SPMAP2L: variants seen among roughly 807,000 people sequenced by gnomAD.
SPMAP2L encodes sperm microtubule associated protein 2 like.
the SPMAP2L span, chr4:56,594,996 G>A: frequency 1.2e-6 from 2 of 1,607,656 alleles, no homozygotes; most frequent in African/African-American, 1.3e-5. Context: ...CCCCGTTTTT[G>A]CCCAATCATC....
At chr4:56,544,286 G>C in the SPMAP2L span, among the ~76,000 whole-genome samples, 1 of 152,138 alleles carries the variant, frequency 6.6e-6, no homozygotes, top group African/African-American at 2.4e-5. Context: ...ACCGTGCCCG[G>C]CCCCAATACG....
the SPMAP2L span, among the ~76,000 whole-genome samples, chr4:56,538,208 CT>C: frequency 6.9e-6 from 1 of 145,496 alleles, no homozygotes; most frequent in Non-Finnish European, 1.5e-5. Context: ...CTGACATCCC[CT>C]ATCACTCGCC....
At chr4:56,620,749 G>T in the SPMAP2L span, among the ~76,000 whole-genome samples, 1 of 152,220 alleles carries the variant, frequency 6.6e-6, no homozygotes, top group South Asian at 2.1e-4. Context: ...CATGCATTCT[G>T]CTGTGGAAAT....
the SPMAP2L span, among the ~76,000 whole-genome samples, chr4:56,537,895 A>T: frequency 2.0e-5 from 3 of 152,038 alleles, no homozygotes; most frequent in South Asian, 2.1e-4. Context: ...GGGTTTCACC[A>T]TGTTAGCCAG....
the SPMAP2L span, among the ~76,000 whole-genome samples, chr4:56,566,968 T>A: frequency 6.6e-6 from 1 of 152,132 alleles, no homozygotes; most frequent in Admixed American, 6.6e-5. Flanking sequence ...GTTCTAGGAT[T>A]ACAGGCATGA....
the SPMAP2L span, among the ~76,000 whole-genome samples, chr4:56,554,937 C>CTTT: frequency 3.2e-5 from 3 of 93,420 alleles, no homozygotes; most frequent in African/African-American, 4.3e-5. Context: ...ACTATCATTT[C>CTTT]TTTTTTTTTT....
chr4:56,577,848 TGTG>T, the SPMAP2L span, among the ~76,000 whole-genome samples: 1 of 152,018 alleles, frequency 6.6e-6, no homozygotes, highest in South Asian at 2.1e-4. Flanking sequence ...ATTGGGGTGT[TGTG>T]GTGAATGCCT....
the SPMAP2L span, among the ~76,000 whole-genome samples, chr4:56,571,107 A>G: frequency 6.7e-6 from 1 of 149,666 alleles, no homozygotes; most frequent in South Asian, 2.1e-4. Context: ...CCTGGCCTTT[A>G]CTTTATAAGC....
the SPMAP2L span, among the ~76,000 whole-genome samples, chr4:56,601,465 T>C: frequency 5.9e-5 from 9 of 152,054 alleles, no homozygotes; most frequent in Admixed American, 5.2e-4. Flanking sequence ...CAAAAAATTC[T>C]TTAAAAATAT....
the SPMAP2L span, among the ~76,000 whole-genome samples, chr4:56,584,849 G>A: frequency 3.2e-4 from 48 of 152,316 alleles, no homozygotes; most frequent in South Asian, 9.7e-3. Flanking sequence ...CAGCAACTGT[G>A]GGAACTGGTG....
the SPMAP2L span, among the ~76,000 whole-genome samples, chr4:56,598,940 G>A: frequency 6.6e-6 from 1 of 152,020 alleles, no homozygotes; most frequent in Non-Finnish European, 1.5e-5. Context: ...GGTTTTATAA[G>A]GGGCTTCCCC....
At chr4:56,531,596 G>A in the SPMAP2L span, among the ~76,000 whole-genome samples, 1 of 152,152 alleles carries the variant, frequency 6.6e-6, no homozygotes. Context: ...CTTGAAGGGA[G>A]GATATTTTCG....
the SPMAP2L span, among the ~76,000 whole-genome samples, chr4:56,565,467 C>T: frequency 2.0e-5 from 3 of 152,172 alleles, no homozygotes; most frequent in African/African-American, 7.2e-5. Context: ...AAGTTACACA[C>T]CTGACCTTGT....
chr4:56,580,616 A>T, the SPMAP2L span, among the ~76,000 whole-genome samples: 4 of 152,048 alleles, frequency 2.6e-5, no homozygotes, highest in Admixed American at 2.6e-4. Context: ...AGAGATTCTA[A>T]CCAGGGCAAT....
chr4:56,601,067 A>G, the SPMAP2L span: 4 of 1,535,274 alleles, frequency 2.6e-6, no homozygotes, highest in Non-Finnish European at 2.6e-6. Context: ...ACTCATTCCA[A>G]AGCATCACCT....
chr4:56,580,715 C>T, the SPMAP2L span, among the ~76,000 whole-genome samples: 5 of 151,602 alleles, frequency 3.3e-5, no homozygotes, highest in African/African-American at 1.2e-4. Context: ...TCAGAAATGA[C>T]GTGATCTTGT....
At chr4:56,579,690 G>T in the SPMAP2L span, among the ~76,000 whole-genome samples, 1 of 152,294 alleles carries the variant, frequency 6.6e-6, no homozygotes, top group Non-Finnish European at 1.5e-5. Context: ...AATCACATAA[G>T]CCCAGGTGGT....
At chr4:56,597,906 A>G in the SPMAP2L span, among the ~76,000 whole-genome samples, 7 of 151,938 alleles carry the variant, frequency 4.6e-5, no homozygotes, top group Non-Finnish European at 1.0e-4. Flanking sequence ...TCTGTCACCC[A>G]GGCTGGAGTG....
At chr4:56,556,987 G>T in the SPMAP2L span, among the ~76,000 whole-genome samples, 2 of 152,006 alleles carry the variant, frequency 1.3e-5, no homozygotes, top group African/African-American at 2.4e-5. Context: ...GGTGGCTCAC[G>T]CCTGTAATTC....
Sources: gnomAD v4.1 joint callset for allele counts (sites outside exome capture counted in the v4.1 genomes callset) on GRCh38, gnomAD v4.1.1 for gene constraint, MANE v1.5 for transcripts, NCBI Gene and HGNC (gene_info 2026-07-23, HGNC 2026-07-21) for gene names.